FGF12: variants seen among roughly 807,000 people sequenced by gnomAD.
FGF12 encodes fibroblast growth factor 12.
In FGF12, 14 loss-of-function variants were observed where a neutral mutation model predicts 23.6. The ratio of observed to expected loss-of-function variants is 0.59; its 90% CI spans 0.39 to 0.93. The LOEUF is 0.93. Ranked by LOEUF, FGF12 falls within the 40% of genes least tolerant of loss-of-function variation. FGF12 has a pLI of 0.00. For synonymous variants in FGF12, 62 were observed against 77.3 expected, an observed-to-expected ratio of 0.80 and a Z score of 1.04; for missense variants, 175 against 217.8, an observed-to-expected ratio of 0.80 and a Z score of 1.24.
At chr3:192,474,821 G>A (rs1008712252) in intron 2 of FGF12, among the ~76,000 whole-genome samples, 1 of 150,718 alleles carries the variant, frequency 6.6e-6, no homozygotes, top group African/African-American at 2.5e-5. Flanking sequence ...GGAGGTAGAG[G>A]TTGCAGTAAG....
chr3:192,638,100 G>C (rs1240570027), intron 2 of FGF12, among the ~76,000 whole-genome samples: 1 of 152,094 alleles, frequency 6.6e-6, no homozygotes, highest in African/African-American at 2.4e-5. Context: ...ATGTGTGTGT[G>C]TGTTTGTGTG....
At chr3:192,647,301 T>C (rs1293802514) in intron 2 of FGF12, among the ~76,000 whole-genome samples, 1 of 152,082 alleles carries the variant, frequency 6.6e-6, no homozygotes, top group Non-Finnish European at 1.5e-5. Context: ...GGTTTTGGGT[T>C]CTATCTCACA....
At chr3:192,576,812 C>A (rs964201085) in intron 2 of FGF12, among the ~76,000 whole-genome samples, 1 of 152,096 alleles carries the variant, frequency 6.6e-6, no homozygotes, top group African/African-American at 2.4e-5. Flanking sequence ...AACCCAAATG[C>A]CCATCAGTGA....
chr3:192,465,089 C>T (rs1286988537), intron 2 of FGF12, among the ~76,000 whole-genome samples: 5 of 152,072 alleles, frequency 3.3e-5, no homozygotes, highest in Non-Finnish European at 5.9e-5. Flanking sequence ...ATGTAAATTC[C>T]TCACTGGCAT....
chr3:192,461,436 G>T (rs1722858119), intron 2 of FGF12, among the ~76,000 whole-genome samples: 2 of 152,140 alleles, frequency 1.3e-5, no homozygotes, highest in South Asian at 4.1e-4. Context: ...AGTAAGAGAA[G>T]AGTACAAAAT....
intron 4 of FGF12, among the ~76,000 whole-genome samples, chr3:192,283,815 T>C (rs1331050670): frequency 1.3e-5 from 2 of 152,062 alleles, no homozygotes; most frequent in East Asian, 3.9e-4. Flanking sequence ...TATCACTGCC[T>C]GAATAGTGAC....
At chr3:192,413,025 A>C (rs759848231) in intron 2 of FGF12, among the ~76,000 whole-genome samples, 7 of 152,242 alleles carry the variant, frequency 4.6e-5, no homozygotes, top group Non-Finnish European at 1.0e-4. Context: ...ATGCACATCA[A>C]AATGATAATT....
rs78384077 is a variant in FGF12, at chr3:192,428,655, G to A, written c.14-68117C>T. On this transcript the variant is annotated intron_variant, in intron 2 of 5. Transcript: ENST00000445105. Reference sequence around the variant, plus strand: ...GAAGTCCAAATCTGGGCATAATCCCGTACTTCCCCAGACTGGGGACAATGT... The same window carrying A: ...GAAGTCCAAATCTGGGCATAATCCCATACTTCCCCAGACTGGGGACAATGT... Among the ~76,000 whole-genome samples the A allele has an allele frequency of 4.3e-3, 652 of 152,238 alleles. 7 individuals carry two copies. Among genetic ancestry groups the A allele is most frequent in the South Asian group, 0.021 (101 of 4,822 alleles).
intron 2 of FGF12, among the ~76,000 whole-genome samples, chr3:192,652,151 G>A (rs996531936): frequency 4.6e-5 from 7 of 152,160 alleles, no homozygotes; most frequent in African/African-American, 1.2e-4. Context: ...TGGATAAAAC[G>A]AATTGTATGC....
chr3:192,617,831 C>T (rs1470763304), intron 2 of FGF12, among the ~76,000 whole-genome samples: 2 of 152,094 alleles, frequency 1.3e-5, no homozygotes, highest in Non-Finnish European at 2.9e-5. Context: ...AGATGCTGAA[C>T]AGGGTCCGAA....
At position 192,162,005 on chromosome 3, in the gene FGF12, T is replaced by C. The variant is rs146467115; in HGVS notation, c.427+8453A>G. Reference sequence around the variant, plus strand: ...TTAATAAAACTAAAACATTAAACTCTATAAAGAACCTCCATCGACTACTAG... The same window carrying C: ...TTAATAAAACTAAAACATTAAACTCCATAAAGAACCTCCATCGACTACTAG... On this transcript the variant is annotated intron_variant, in intron 5 of 5. Coordinates refer to ENST00000445105, the MANE Select transcript of FGF12 (RefSeq NM_004113.6). Among the ~76,000 whole-genome samples the C allele has an allele frequency of 3.7e-3, 563 of 152,274 alleles. 3 individuals are homozygous for C. The highest frequency in any genetic ancestry group is 0.013 in the African/African-American group (539 of 41,582).
chr3:192,678,807 C>T (rs1035879565), intron 2 of FGF12, among the ~76,000 whole-genome samples: 5 of 152,258 alleles, frequency 3.3e-5, no homozygotes, highest in African/African-American at 1.2e-4. Flanking sequence ...GCTTATCTTT[C>T]GTAAGGTCCA....
chr3:192,709,953 C>T (rs1718611952), intron 2 of FGF12, among the ~76,000 whole-genome samples: 1 of 152,178 alleles, frequency 6.6e-6, no homozygotes, highest in African/African-American at 2.4e-5. Flanking sequence ...ATGGCTCAGG[C>T]TATGTGTCCA....
At chr3:192,216,462 C>T (rs555642305) in intron 4 of FGF12, among the ~76,000 whole-genome samples, 2 of 152,254 alleles carry the variant, frequency 1.3e-5, no homozygotes, top group Admixed American at 6.5e-5. Flanking sequence ...ATTTGCACAT[C>T]GTTCCATCAA....
intron 2 of FGF12, among the ~76,000 whole-genome samples, chr3:192,702,575 T>C (rs1718337034): frequency 6.6e-6 from 1 of 152,154 alleles, no homozygotes; most frequent in African/African-American, 2.4e-5. Flanking sequence ...GGTAGATTGC[T>C]TGAGTCCAGG....
intron 2 of FGF12, among the ~76,000 whole-genome samples, chr3:192,384,875 G>A (rs890617858): frequency 5.9e-5 from 9 of 152,168 alleles, no homozygotes; most frequent in Non-Finnish European, 1.0e-4. Flanking sequence ...GAGAGAGGGT[G>A]AAAAGTGACT....
intron 2 of FGF12, among the ~76,000 whole-genome samples, chr3:192,640,322 A>G (rs1355666482): frequency 6.6e-6 from 1 of 152,228 alleles, no homozygotes; most frequent in Admixed American, 6.5e-5. Context: ...TGTTGTATAT[A>G]TCAAATATGG....
chr3:192,587,247 C>T (rs764681651), intron 2 of FGF12, among the ~76,000 whole-genome samples: 4 of 151,766 alleles, frequency 2.6e-5, no homozygotes, highest in Non-Finnish European at 4.4e-5. Context: ...GTACTCAAAA[C>T]GGTTACCAGT....
intron 4 of FGF12, among the ~76,000 whole-genome samples, chr3:192,292,159 T>C (rs1238794463): frequency 6.6e-6 from 1 of 152,170 alleles, no homozygotes; most frequent in East Asian, 1.9e-4. Flanking sequence ...TTGTTCAGCG[T>C]GTTATAAGCG....
Sources: gnomAD v4.1 joint callset for allele counts (sites outside exome capture counted in the v4.1 genomes callset) on GRCh38, gnomAD v4.1.1 for gene constraint, MANE v1.5 for transcripts, NCBI Gene and HGNC (gene_info 2026-07-23, HGNC 2026-07-21) for gene names.